Variants in RBKS observed in about 807,000 individuals in gnomAD.
RBKS encodes the protein ribokinase.
A neutral mutation model predicts 33.9 loss-of-function variants in RBKS; 33 were observed. The ratio of observed to expected loss-of-function variants is 0.97; its 90% CI spans 0.74 to 1.30. The LOEUF (loss-of-function observed/expected upper bound fraction) is 1.30. RBKS is among the 50% of genes most tolerant of loss of function. The pLI, the probability that RBKS is intolerant of heterozygous loss-of-function variation, is 0.00. For synonymous variants in RBKS, 125 were observed against 143.0 expected, an observed-to-expected ratio of 0.87 and a Z score of 0.90; for missense variants, 361 against 392.6, an observed-to-expected ratio of 0.92 and a Z score of 0.68.
chr2:27,886,866 T>G (rs1664540887), intron 1 of RBKS, among the ~76,000 whole-genome samples: 1 of 152,184 alleles, frequency 6.6e-6, no homozygotes, highest in South Asian at 2.1e-4. Context: ...GCTCTCTTCC[T>G]TATCTCACTT....
At chr2:27,782,518 G>A (rs1677307583) in intron 7 of RBKS, 2 of 401,242 alleles carry the variant, frequency 5.0e-6, no homozygotes, top group Non-Finnish European at 1.1e-5. Flanking sequence ...AGGAGAACTG[G>A]TTATGTATTT....
chr2:27,789,949 G>GTATATATATATATATATATATGTGTA (rs1677484796), intron 7 of RBKS, among the ~76,000 whole-genome samples: 46 of 121,508 alleles, frequency 3.8e-4, no homozygotes, highest in African/African-American at 7.3e-4. Context: ...ATGTATATGT[G>GTATATATATATATATATATATGTGTA]TATATATATA....
chr2:27,881,905 T>A (rs904602302), intron 1 of RBKS, among the ~76,000 whole-genome samples: 3 of 152,130 alleles, frequency 2.0e-5, no homozygotes, highest in African/African-American at 7.2e-5. Context: ...TTACACCATA[T>A]ACAAAAATCG....
chr2:27,804,347 C>T (rs1340144961), intron 7 of RBKS, among the ~76,000 whole-genome samples: 1 of 152,168 alleles, frequency 6.6e-6, no homozygotes, highest in Non-Finnish European at 1.5e-5. Flanking sequence ...TGAAAGAAAC[C>T]TCATACTCAT....
intron 7 of RBKS, among the ~76,000 whole-genome samples, chr2:27,805,644 A>G (rs1677882110): frequency 6.6e-6 from 1 of 151,982 alleles, no homozygotes; most frequent in African/African-American, 2.4e-5. Context: ...GCGCGATCTC[A>G]GCTCACTGCA....
intron 7 of RBKS, among the ~76,000 whole-genome samples, chr2:27,783,863 T>G (rs1214665932): frequency 6.2e-5 from 8 of 129,546 alleles, no homozygotes; most frequent in Non-Finnish European, 1.3e-4. Context: ...GCTGAGATTG[T>G]GCCACTGCAC....
At chr2:27,847,934 G>T in intron 3 of RBKS, 100 bp downstream of exon 3, 1 of 695,520 alleles carries the variant, frequency 1.4e-6, no homozygotes, top group South Asian at 1.7e-5. Context: ...CTGGCCACCA[G>T]GGGAAGGTCT....
intron 7 of RBKS, among the ~76,000 whole-genome samples, chr2:27,824,165 T>C (rs1337653901): frequency 6.6e-6 from 1 of 152,170 alleles, no homozygotes; most frequent in Non-Finnish European, 1.5e-5. Context: ...TTCTTTTACT[T>C]AGTAGTATGT....
chr2:27,842,579 C>A (rs1663531386), intron 5 of RBKS, among the ~76,000 whole-genome samples: 1 of 152,122 alleles, frequency 6.6e-6, no homozygotes, highest in African/African-American at 2.4e-5. Flanking sequence ...GTATGACATG[C>A]AGCTTAACCT....
At chr2:27,879,679 T>C (rs1013155202) in intron 1 of RBKS, among the ~76,000 whole-genome samples, 1 of 152,108 alleles carries the variant, frequency 6.6e-6, no homozygotes, top group African/African-American at 2.4e-5. Flanking sequence ...CCCACAGAAA[T>C]ACAAATAACC....
At chr2:27,791,646 A>AATATACATATAC (rs66685463) in intron 7 of RBKS, among the ~76,000 whole-genome samples, 2,504 of 140,972 alleles carry the variant, frequency 0.018, 56 homozygotes, top group African/African-American at 0.036. Flanking sequence ...ACACACACTA[A>AATATACATATAC]ATATACATAT....
At chr2:27,834,208 A>G (rs912607782) in intron 5 of RBKS, among the ~76,000 whole-genome samples, 5 of 152,200 alleles carry the variant, frequency 3.3e-5, no homozygotes, top group Non-Finnish European at 5.9e-5. Flanking sequence ...TGGTGAGGAC[A>G]TCTAGTCTAC....
intron 3 of RBKS, 42 bp from the exon 4 acceptor site, chr2:27,847,146 G>T (rs1277868989): frequency 8.8e-7 from 1 of 1,135,338 alleles, no homozygotes; most frequent in Non-Finnish European, 1.3e-6. Context: ...TATACAGGCT[G>T]GCATGGATAA....
At chr2:27,817,736 G>A (rs1678124455) in intron 7 of RBKS, among the ~76,000 whole-genome samples, 1 of 152,134 alleles carries the variant, frequency 6.6e-6, no homozygotes, top group Non-Finnish European at 1.5e-5. Context: ...CAGAAAAGGA[G>A]TAATTATAGA....
intron 7 of RBKS, among the ~76,000 whole-genome samples, chr2:27,783,401 T>C (rs1266517525): frequency 6.6e-6 from 1 of 152,224 alleles, no homozygotes; most frequent in Non-Finnish European, 1.5e-5. Flanking sequence ...GAGAGCCATT[T>C]GATATTATTT....
At chr2:27,851,174 T>C (rs996997856) in intron 2 of RBKS, among the ~76,000 whole-genome samples, 2 of 152,226 alleles carry the variant, frequency 1.3e-5, no homozygotes, top group Non-Finnish European at 2.9e-5. Context: ...AAATTGTTCC[T>C]TTCTGGATAT....
At chr2:27,860,683 T>C (rs1460604372) in intron 1 of RBKS, among the ~76,000 whole-genome samples, 1 of 152,186 alleles carries the variant, frequency 6.6e-6, no homozygotes, top group Non-Finnish European at 1.5e-5. Context: ...AACTCATTTC[T>C]AAACAACTTC....
chr2:27,869,581 G>C (rs1223388641), intron 1 of RBKS, among the ~76,000 whole-genome samples: 2 of 152,142 alleles, frequency 1.3e-5, no homozygotes, highest in African/African-American at 4.8e-5. Flanking sequence ...CCAGGGACCA[G>C]GGGGAGGAAA....
Position 27,890,271 on chromosome 2 carries a change from C to A in RBKS, c.75G>T (p.Met25Ile), listed in dbSNP as rs762050106. The A allele has an allele frequency of 6.8e-6, 11 of 1,613,682 alleles. No individual in the cohort carries two copies. The African/African-American group carries it at 1.3e-4, about 20-fold the overall frequency. Residue 25 changes from methionine to isoleucine, a missense_variant, in exon 1 of 8, where the codon ATG becomes ATT. Transcript: ENST00000302188. The surrounding 1 kb of genome is among the most constrained non-coding windows in gnomAD (Gnocchi z 4.8). ...CCCGGACTAACCTGACCAGGTCGGT[C>A]ATGCAGGAGCCCACCACTACCACCG... ...VAAVVVVGSCMTDLVSLTSRL... is the reference protein window; with the variant it reads ...VAAVVVVGSCITDLVSLTSRL...
Sources: gnomAD v4.1 joint callset for allele counts (sites outside exome capture counted in the v4.1 genomes callset) on GRCh38, gnomAD v4.1.1 for gene constraint, Gnocchi (gnomAD v3.1) non-coding constraint, MANE v1.5 for transcripts, NCBI Gene and HGNC (gene_info 2026-07-23, HGNC 2026-07-21) for gene names.